The following DAB1 variants were observed in gnomAD, a reference collection of about 807,000 sequenced individuals.
The protein encoded by DAB1 is disabled homolog 1.
In DAB1, 15 loss-of-function variants were observed where a neutral mutation model predicts 64.6. The ratio of observed to expected loss-of-function variants is 0.23; its 90% CI spans 0.16 to 0.36. DAB1 has a LOEUF of 0.36. Among genes scored for constraint, DAB1 ranks in the 10% least tolerant of loss-of-function variants. The pLI is 1.00. For synonymous variants in DAB1, 235 were observed against 251.9 expected (o/e 0.93, Z 0.64); for missense variants, 596 against 706.7 (o/e 0.84, Z 1.78).
rs572700984 is a variant in DAB1, at chr1:57,064,163, T to G, written c.664-1220A>C. ...ACCATTGTTCTATAAGAAGTAAGAA[T>G]TTGAGCTTATTCCTTAGGTCCTTTG... On this transcript the variant is annotated intron_variant, in intron 8 of 14. Coordinates refer to ENST00000371236, the MANE Select transcript of DAB1 (RefSeq NM_001365792.1). Among the ~76,000 whole-genome samples, 7 of 152,346 alleles carry G rather than the reference T, an allele frequency of 4.6e-5. No individual in the cohort carries two copies. In the East Asian group the frequency reaches 1.3e-3, roughly 29 times the overall value.
intron 6 of DAB1, among the ~76,000 whole-genome samples, chr1:57,676,981 T>C (rs1232662561): frequency 6.6e-6 from 1 of 152,166 alleles, no homozygotes; most frequent in Non-Finnish European, 1.5e-5. Flanking sequence ...CTAAGCTCCA[T>C]TGTGACTGTA....
intron 3 of DAB1, among the ~76,000 whole-genome samples, chr1:58,412,320 GTAT>G (rs10542072): frequency 0.23 from 34,787 of 152,018 alleles, 4,085 homozygotes; most frequent in Middle Eastern, 0.27. Flanking sequence ...AAGAACAGCT[GTAT>G]TATTCCTGGA....
intron 5 of DAB1, among the ~76,000 whole-genome samples, chr1:58,003,819 C>T (rs191629918): frequency 3.9e-5 from 6 of 152,300 alleles, no homozygotes; most frequent in South Asian, 2.1e-4. Context: ...GAAACTGACA[C>T]GGCCCCTTCT....
At chr1:58,498,042 C>T (rs2100396889) in intron 3 of DAB1, among the ~76,000 whole-genome samples, 1 of 152,124 alleles carries the variant, frequency 6.6e-6, no homozygotes, top group African/African-American at 2.4e-5. Context: ...TTTTCTCCTC[C>T]CCTATAAGGC....
At chr1:57,222,835 A>G (rs574577777) in intron 2 of DAB1, among the ~76,000 whole-genome samples, 1 of 152,340 alleles carries the variant, frequency 6.6e-6, no homozygotes, top group Non-Finnish European at 1.5e-5. Flanking sequence ...TCTTCATGGG[A>G]GTTATGATAG....
intron 4 of DAB1, among the ~76,000 whole-genome samples, chr1:58,222,087 G>C (rs1659202027): frequency 6.6e-6 from 1 of 152,198 alleles, no homozygotes; most frequent in Admixed American, 6.5e-5. Flanking sequence ...GTGATGACAA[G>C]AGTTAGAGAG....
chr1:58,112,486 TA>T (rs1485496724), intron 5 of DAB1, among the ~76,000 whole-genome samples: 1 of 152,230 alleles, frequency 6.6e-6, no homozygotes, highest in Non-Finnish European at 1.5e-5. Flanking sequence ...CCCAGCTGTG[TA>T]ATCCCAAACC....
At chr1:58,352,630 C>T (rs1308815224) in intron 3 of DAB1, among the ~76,000 whole-genome samples, 1 of 152,140 alleles carries the variant, frequency 6.6e-6, no homozygotes, top group Non-Finnish European at 1.5e-5. Context: ...TAAACACAAT[C>T]AATACATTAC....
At chr1:57,075,893 T>C (rs1415795976) in intron 4 of DAB1, among the ~76,000 whole-genome samples, 1 of 152,112 alleles carries the variant, frequency 6.6e-6, no homozygotes, top group East Asian at 1.9e-4. Context: ...GATGATCCCT[T>C]GATAAGCTGG....
intron 2 of DAB1, among the ~76,000 whole-genome samples, chr1:57,272,122 G>T (rs1332052049): frequency 1.3e-5 from 2 of 152,150 alleles, no homozygotes; most frequent in African/African-American, 2.4e-5. Context: ...CTAGTGCGGG[G>T]CTCCAAGCCC....
At chr1:57,854,373 A>AG (rs1269584424) in intron 1 of DAB1, among the ~76,000 whole-genome samples, 1 of 152,190 alleles carries the variant, frequency 6.6e-6, no homozygotes, top group African/African-American at 2.4e-5. Context: ...TTCTGCAGAA[A>AG]GGGGGAGTGT....
At chr1:57,598,634 A>T (rs1367402280) in intron 7 of DAB1, among the ~76,000 whole-genome samples, 2 of 152,210 alleles carry the variant, frequency 1.3e-5, no homozygotes, top group African/African-American at 2.4e-5. Flanking sequence ...GCCATCTAGC[A>T]GGGAGGCTGG....
intron 7 of DAB1, among the ~76,000 whole-genome samples, chr1:57,483,703 G>T (rs142814551): frequency 2.0e-5 from 3 of 151,998 alleles, no homozygotes; most frequent in African/African-American, 7.2e-5. Context: ...TTTCTACTGA[G>T]CATCTCCTAT....
At chr1:58,179,943 AC>A (rs1656685596) in intron 4 of DAB1, among the ~76,000 whole-genome samples, 1 of 152,130 alleles carries the variant, frequency 6.6e-6, no homozygotes, top group Admixed American at 6.5e-5. Flanking sequence ...TAAAAAAACA[AC>A]ACTATAATTA....
chr1:58,510,291 G>A (rs1437958459), intron 2 of DAB1, among the ~76,000 whole-genome samples: 2 of 151,974 alleles, frequency 1.3e-5, no homozygotes, highest in African/African-American at 4.8e-5. Context: ...CATGACCAAG[G>A]AGGATTTCTT....
chr1:58,379,881 T>C (rs79405807), intron 3 of DAB1, among the ~76,000 whole-genome samples: 2,052 of 152,316 alleles, frequency 0.013, 30 homozygotes, highest in African/African-American at 0.038. Context: ...ATAGAACCTC[T>C]CAGTTTCATT....
chr1:58,281,288 C>G (rs1175779346), intron 4 of DAB1, among the ~76,000 whole-genome samples: 1 of 151,788 alleles, frequency 6.6e-6, no homozygotes, highest in Non-Finnish European at 1.5e-5. Flanking sequence ...CCACCAAACT[C>G]CAGGAATTTG....
At chr1:57,214,575 C>T (rs1666264498) in intron 2 of DAB1, among the ~76,000 whole-genome samples, 1 of 152,004 alleles carries the variant, frequency 6.6e-6, no homozygotes, top group Non-Finnish European at 1.5e-5. Flanking sequence ...GTTGCCCTAC[C>T]TAGCCTAAGA....
chr1:57,695,373 A>AAAGAAAGAAAAGAAAG (rs1646823926), intron 6 of DAB1, among the ~76,000 whole-genome samples: 1 of 53,792 alleles, frequency 1.9e-5, no homozygotes, highest in Non-Finnish European at 3.4e-5. Context: ...AGAAAGAAAG[A>AAAGAAAGAAAAGAAAG]AAGAAAGAAA....
Sources: gnomAD v4.1 joint callset for allele counts (sites outside exome capture counted in the v4.1 genomes callset) on GRCh38, gnomAD v4.1.1 for gene constraint, MANE v1.5 for transcripts, NCBI Gene and HGNC (gene_info 2026-07-23, HGNC 2026-07-21) for gene names.